Variants in HEATR1 observed in about 807,000 individuals in gnomAD.
HEATR1 encodes the protein HEAT repeat-containing protein 1.
HEATR1 carries 77 observed loss-of-function variants against 248.2 expected under a neutral mutation model. That is an observed-to-expected ratio of 0.31 (90% CI 0.26 to 0.37). The LOEUF (loss-of-function observed/expected upper bound fraction) is 0.37, where lower values mean the gene tolerates loss of function less well. Ranked by LOEUF, HEATR1 falls within the 10% of genes least tolerant of loss-of-function variation. The probability of loss-of-function intolerance (pLI) is 1.00; values close to 1 mark genes in which losing one functional copy is unlikely to be tolerated. For missense variants in HEATR1, 2,420 were observed against 2,504.9 expected (o/e 0.97, Z 0.72); for synonymous variants, 897 against 923.1 (o/e 0.97, Z 0.51).
At chr1:236,601,762 T>C (rs924116284) in intron 3 of HEATR1, among the ~76,000 whole-genome samples, 5 of 151,246 alleles carry the variant, frequency 3.3e-5, no homozygotes, top group Non-Finnish European at 7.4e-5. Context: ...ATTTGAGCCC[T>C]GGAGATCGAG....
chr1:236,574,688 T>C lies in HEATR1; in HGVS notation c.3300A>G (p.Pro1100=), dbSNP rs533928880. ...HTTKELYAGM[P]TIQITALEKI... Reference sequence around the variant, plus strand: ...TTTCAAGGGCTGTGATCTGAATGGTTGGCATTCCCGCGTAAAGTTCCTTTG... The same window carrying C: ...TTTCAAGGGCTGTGATCTGAATGGTCGGCATTCCCGCGTAAAGTTCCTTTG... Residue 1100 remains proline (P), a synonymous_variant, in exon 23 of 45, where the codon CCA becomes CCG. Transcript: ENST00000366582. 1.2e-6 allele frequency: 2 copies of C among 1,613,908 alleles called. No individual in the cohort carries two copies. Among genetic ancestry groups the C allele is most frequent in the South Asian group, 2.2e-5 (2 of 91,040 alleles).
intron 34 of HEATR1, 38 bp from the exon 35 acceptor site, chr1:236,559,173 CAAATT>C: frequency 6.7e-7 from 1 of 1,494,888 alleles, no homozygotes; most frequent in Non-Finnish European, 9.0e-7. Flanking sequence ...AAAAGAAAAA[CAAATT>C]AAAAAAAAAA....
chr1:236,603,473 G>A, intron 2 of HEATR1, 97 bp from the exon 3 acceptor site: 1 of 904,094 alleles, frequency 1.1e-6, no homozygotes, highest in South Asian at 1.5e-5. Context: ...AGAAGTTTCT[G>A]AATTCTTTAA....
In HEATR1 at chr1:236,572,770, G is replaced by A. The variant is rs1393651493; in HGVS notation, c.3518C>T (p.Pro1173Leu). 6.2e-6 allele frequency: 10 copies of A among 1,613,818 alleles called. No homozygotes were observed. Among genetic ancestry groups the A allele is most frequent in the Admixed American group, 1.7e-5 (1 of 59,996 alleles). ...TCTTTTTTGCTGAACTGTGCCCAAG[G>A]GTTTAGCTTTATCTGGTGGCTCCAG... ...IELEPPDKAKPLGTVQQKRRQ... is the reference protein window; with the variant it reads ...IELEPPDKAKLLGTVQQKRRQ... Residue 1173 changes from proline to leucine, a missense_variant, in exon 25 of 45, where the codon CCC (proline) becomes CTC (leucine). Pro to Leu is a moderately conservative substitution (Grantham distance 98). Coordinates refer to ENST00000366582, the MANE Select transcript of HEATR1 (RefSeq NM_018072.6).
rs953130848 is a variant in HEATR1 at position 236,564,402 on chromosome 1, T to A, written c.4599+96A>T. 3 of 1,074,114 alleles carry A rather than the reference T, an allele frequency of 2.8e-6. No homozygotes were observed. In the African/African-American group the frequency reaches 4.8e-5, roughly 17 times the overall value. The allele number at this position is 1,074,114 out of a possible 1,614,324, so 66.5% of individuals were successfully genotyped here. On this transcript the variant is annotated intron_variant, in intron 32 of 44. Coordinates refer to ENST00000366582, the MANE Select transcript of HEATR1 (RefSeq NM_018072.6). ...ATCTTTAAAGGCGTGCCTCCCATTT[T>A]CATGAGCCATTTACCAAGCTACTTC...
chr1:236,568,896 A>C (rs908164867), intron 29 of HEATR1, 100 bp downstream of exon 29: 21 of 618,982 alleles, frequency 3.4e-5, no homozygotes, highest in African/African-American at 1.1e-4. Flanking sequence ...AAAAAAAAAA[A>C]ACAAAAAAAA....
In HEATR1 at chr1:236,587,948, C is replaced by T; in HGVS notation, c.1626G>A (p.Glu542=). 1 of 1,605,502 alleles carries T rather than the reference C, an allele frequency of 6.2e-7. No homozygotes were observed. The highest frequency in any genetic ancestry group is 8.5e-7 in the Non-Finnish European group (1 of 1,174,684). The change falls in exon 13 of 45, where the codon GAG becomes GAA. Residue 542 remains glutamate, a splice_region_variant and synonymous_variant. Transcript: ENST00000366582. ...CTCAACAAATGACAAATTCACTCAC[C>T]TCAAAAGCACTTATAGCCGACAAAA... The part of the protein sequence containing the change: ...DVVLSAISAF[E]IFKEHFSSEV...
rs765143633 is a variant in HEATR1, at chr1:236,586,247, C to T, written c.1921G>A (p.Glu641Lys). ...AAACAACTGAATTTTTTACCTTCTTCCCAGCCTCTTAATAGAGGGTGCAGG... is the reference window on the plus strand; with the variant it reads ...AAACAACTGAATTTTTTACCTTCTTTCCAGCCTCTTAATAGAGGGTGCAGG... The part of the protein sequence containing the change: ...CSLHPLLRGW[E>K]EALENVIKST... The change falls in exon 15 of 45, where the codon GAA becomes AAA. Residue 641 changes from glutamate (E) to lysine (K), a missense_variant. Glu to Lys is a moderately conservative substitution (Grantham distance 56). Transcript: ENST00000366582. 1.2e-6 allele frequency: 2 copies of T among 1,602,292 alleles called. No homozygotes were observed. The highest frequency in any genetic ancestry group is 1.7e-6 in the Non-Finnish European group (2 of 1,175,416).
chr1:236,600,953 A>G (rs1664307018), intron 3 of HEATR1, among the ~76,000 whole-genome samples: 1 of 152,206 alleles, frequency 6.6e-6, no homozygotes, highest in African/African-American at 2.4e-5. Flanking sequence ...TTTATTTCAA[A>G]ACAGTAATCA....
chr1:236,570,433 G>A (rs989066074), intron 28 of HEATR1, among the ~76,000 whole-genome samples: 1 of 152,158 alleles, frequency 6.6e-6, no homozygotes, highest in Non-Finnish European at 1.5e-5. Context: ...TAGTGGCCAG[G>A]AGCAGGGTGG....
intron 22 of HEATR1, among the ~76,000 whole-genome samples, 196 bp from the exon 23 acceptor site, chr1:236,575,099 G>A (rs993063001): frequency 2.0e-5 from 3 of 152,180 alleles, no homozygotes; most frequent in Admixed American, 2.0e-4. Context: ...CAGTTCATGT[G>A]TAATGCTCAA....
At chr1:236,579,644 G>C (rs2103140242) in intron 20 of HEATR1, among the ~76,000 whole-genome samples, 1 of 152,126 alleles carries the variant, frequency 6.6e-6, no homozygotes, top group African/African-American at 2.4e-5. Context: ...GTATAGAGTT[G>C]TTCTTATCCA....
At chr1:236,589,229 G>C (rs1558189893) in intron 12 of HEATR1, among the ~76,000 whole-genome samples, 3 of 152,130 alleles carry the variant, frequency 2.0e-5, no homozygotes. Context: ...CTTTATTCTA[G>C]AAGAATTTCT....
intron 19 of HEATR1, 22 bp downstream of exon 19, chr1:236,582,714 C>A: frequency 6.2e-7 from 1 of 1,613,136 alleles, no homozygotes; most frequent in South Asian, 1.1e-5. Flanking sequence ...TAGAGTACGC[C>A]TGAAAAGGAG....
At chr1:236,561,626 G>A (rs984198975) in intron 32 of HEATR1, among the ~76,000 whole-genome samples, 11 of 152,126 alleles carry the variant, frequency 7.2e-5, no homozygotes, top group African/African-American at 2.2e-4. Flanking sequence ...AATCCCCCAA[G>A]TACTGCTCCT....
At chr1:236,578,661 T>C (rs899740933) in intron 20 of HEATR1, among the ~76,000 whole-genome samples, 1 of 152,244 alleles carries the variant, frequency 6.6e-6, no homozygotes, top group African/African-American at 2.4e-5. Flanking sequence ...TTTATAAATA[T>C]GCTGCTAGAG....
At chr1:236,561,057 G>GA (rs1173061078) in intron 33 of HEATR1, among the ~76,000 whole-genome samples, 168 bp downstream of exon 33, 8 of 152,150 alleles carry the variant, frequency 5.3e-5, no homozygotes, top group African/African-American at 1.4e-4. Flanking sequence ...ATGGCTCAGA[G>GA]AAAAAACCCT....
At chr1:236,576,756 A>C (rs760308840) in intron 21 of HEATR1, 24 bp downstream of exon 21, 14 of 1,595,722 alleles carry the variant, frequency 8.8e-6, no homozygotes, top group Non-Finnish European at 1.1e-5. Context: ...GAACACACTC[A>C]ATCTTCTTTG....
intron 8 of HEATR1, among the ~76,000 whole-genome samples, chr1:236,594,815 T>G (rs1403873324): frequency 6.6e-6 from 1 of 152,114 alleles, no homozygotes; most frequent in East Asian, 1.9e-4. Context: ...TTATTATTTT[T>G]GAGATAGGGT....
Sources: allele counts gnomAD v4.1 joint callset (sites outside exome capture counted in the v4.1 genomes callset), GRCh38; gene constraint gnomAD v4.1.1; transcripts MANE v1.5; gene names NCBI Gene and HGNC (gene_info 2026-07-23, HGNC 2026-07-21).